The following GANC variants were observed in gnomAD, a reference collection of about 807,000 sequenced individuals.
GANC encodes glucosidase alpha, neutral C.
GANC carries 117 observed loss-of-function variants against 124.2 expected under a neutral mutation model. The observed-to-expected ratio is 0.94, with a 90% CI of 0.81 to 1.10. The LOEUF is 1.10. GANC is among the 50% of genes least tolerant of loss of function. GANC has a pLI of 0.00. For synonymous variants in GANC, 377 were observed against 376.8 expected, an observed-to-expected ratio of 1.00 and a Z score of -0.01; for missense variants, 1,140 against 1,095.0, an observed-to-expected ratio of 1.04 and a Z score of -0.58.
chr15:42,313,254 G>T (rs1294079574), intron 10 of GANC, among the ~76,000 whole-genome samples: 2 of 95,768 alleles, frequency 2.1e-5, no homozygotes, highest in Non-Finnish European at 2.4e-5. Context: ...AAAATAAAAT[G>T]GTTCAACTAT....
chr15:42,321,476 C>T (rs2052156231), intron 10 of GANC, among the ~76,000 whole-genome samples: 1 of 152,188 alleles, frequency 6.6e-6, no homozygotes, highest in South Asian at 2.1e-4. Context: ...CAGGTTTTAT[C>T]TCCTCTGTGA....
Position 42,273,290 on chromosome 15 carries a change from C to T in GANC, c.-1192C>T, listed in dbSNP as rs144133599. On this transcript the variant is annotated 5_prime_UTR_variant, in exon 1 of 24. Transcript: ENST00000318010. ...GGAATGTGCCATTTGGACCGGTCGGCAGCAGCTACGGTTGCCGGTCCCGCA... is the reference window on the plus strand; with the variant it reads ...GGAATGTGCCATTTGGACCGGTCGGTAGCAGCTACGGTTGCCGGTCCCGCA... 9 of 1,614,200 alleles carry T rather than the reference C, an allele frequency of 5.6e-6. No homozygotes were observed. The highest frequency in any genetic ancestry group is 6.8e-6 in the Non-Finnish European group (8 of 1,180,046).
At chr15:42,300,358 A>G (rs1186484775) in intron 6 of GANC, among the ~76,000 whole-genome samples, 1 of 152,220 alleles carries the variant, frequency 6.6e-6, no homozygotes, top group Non-Finnish European at 1.5e-5. Flanking sequence ...AAAAAGCTCA[A>G]CATCACTGAT....
chr15:42,345,674 G>T, intron 19 of GANC, 84 bp from the exon 20 acceptor site: 1 of 734,564 alleles, frequency 1.4e-6, no homozygotes. Flanking sequence ...TTGAAATCCA[G>T]GTAAGTGGAT....
intron 7 of GANC, among the ~76,000 whole-genome samples, chr15:42,306,818 A>G (rs765121390): frequency 6.6e-6 from 1 of 152,244 alleles, no homozygotes; most frequent in Non-Finnish European, 1.5e-5. Context: ...TGTAAAAGAA[A>G]TATAGGCCAC....
chr15:42,278,042 G>A (rs1387418927), intron 2 of GANC: 1 of 398,138 alleles, frequency 2.5e-6, no homozygotes, highest in African/African-American at 2.0e-5. Context: ...AGCGTATTAT[G>A]TTAATTCTGA....
chr15:42,351,928 A>C, intron 23 of GANC, 102 bp from the exon 24 acceptor site: 1 of 1,441,806 alleles, frequency 6.9e-7, no homozygotes, highest in Non-Finnish European at 9.4e-7. Context: ...GTGGGGTATA[A>C]GGTTTTATGA....
At chr15:42,330,342 G>T (rs547883616) in intron 14 of GANC, among the ~76,000 whole-genome samples, 48 of 152,276 alleles carry the variant, frequency 3.2e-4, no homozygotes, top group Admixed American at 1.1e-3. Flanking sequence ...AATGCTAGAT[G>T]ATTGTTTATT....
intron 7 of GANC, among the ~76,000 whole-genome samples, chr15:42,307,001 C>G (rs2052003423): frequency 6.6e-6 from 1 of 152,160 alleles, no homozygotes; most frequent in Admixed American, 6.5e-5. Flanking sequence ...TCAACCTTTT[C>G]TAGGCCTCCC....
At chr15:42,275,091 A>G (rs1000732029) in intron 1 of GANC, among the ~76,000 whole-genome samples, 1 of 151,950 alleles carries the variant, frequency 6.6e-6, no homozygotes, top group Non-Finnish European at 1.5e-5. Flanking sequence ...TGATTAAAAT[A>G]AACTGGGCCG....
intron 6 of GANC, among the ~76,000 whole-genome samples, chr15:42,300,902 C>T (rs1488908912): frequency 6.6e-6 from 1 of 151,922 alleles, no homozygotes; most frequent in East Asian, 1.9e-4. Context: ...CCTGTAATCC[C>T]AGCTACTAGG....
intron 3 of GANC, chr15:42,283,515 C>G: frequency 1.6e-6 from 1 of 629,904 alleles, no homozygotes; most frequent in Non-Finnish European, 2.8e-6. Flanking sequence ...GCATTGCTAG[C>G]AAGGATGTCT....
At chr15:42,305,067 A>G (rs2051980342) in intron 6 of GANC, among the ~76,000 whole-genome samples, 1 of 152,170 alleles carries the variant, frequency 6.6e-6, no homozygotes, top group Non-Finnish European at 1.5e-5. Context: ...CTTCATGACT[A>G]AAACATCAAA....
At position 42,287,735 on chromosome 15, in the gene GANC, C is replaced by G; in HGVS notation, c.246C>G (p.Phe82Leu). 2 of 1,612,932 alleles carry G rather than the reference C, an allele frequency of 1.2e-6. No homozygotes were observed. The highest frequency in any genetic ancestry group is 1.7e-6 in the Non-Finnish European group (2 of 1,179,340). ...TTTATGGTATAGAAGGAAACATTTT[C>G]AGGCTTAAAATTAATGAAGAGACTC... ...AEIYGIEGNI[F>L]RLKINEETPL... is the part of the protein sequence containing the mutation. Residue 82 changes from phenylalanine to leucine, a missense_variant, in exon 4 of 24, where the codon TTC becomes TTG. Physicochemically the swap from Phe to Leu is conservative, Grantham distance 22. Transcript: ENST00000318010.
chr15:42,294,985 T>TG (rs934638956), intron 5 of GANC, among the ~76,000 whole-genome samples: 15 of 149,992 alleles, frequency 1.0e-4, no homozygotes, highest in African/African-American at 3.5e-4. Flanking sequence ...TTTTTTTTTT[T>TG]TTTTGAGATG....
In GANC at chr15:42,342,168, C is replaced by T. The variant is rs528015275; in HGVS notation, c.2153-910C>T. ...TATCCCCAGAGCCTAGCATGGTGCC[C>T]GGCATGCAGTAGGCACTCGAAATAA... On this transcript the variant is annotated intron_variant, in intron 18 of 23. Coordinates refer to ENST00000318010, the MANE Select transcript of GANC (RefSeq NM_198141.3). 1.1e-4 allele frequency among the ~76,000 whole-genome samples: 16 copies of T among 152,202 alleles called. No individual in the cohort carries two copies. The East Asian group carries it at 2.1e-3, about 20-fold the overall frequency.
rs1212341377 is a variant in GANC, at chr15:42,321,831, C to T, written c.1104C>T (p.Cys368=). Residue 368 remains cysteine, a synonymous_variant, in exon 11 of 24, where the codon TGC becomes TGT. Coordinates refer to ENST00000318010, the MANE Select transcript of GANC (RefSeq NM_198141.3). ...PPLFSLGYHQ[C]RWNYEDEQDV... ...TTTTCTCTTTGGGATACCACCAGTG[C>T]CGCTGGAACTATGAAGATGAGCAGG... 13 of 1,614,104 alleles carry T rather than the reference C, an allele frequency of 8.1e-6. No homozygotes were observed. Among genetic ancestry groups the T allele is most frequent in the Non-Finnish European group, 1.1e-5 (13 of 1,180,042 alleles).
At chr15:42,299,442 G>A (rs766955636) in intron 6 of GANC, among the ~76,000 whole-genome samples, 3 of 152,138 alleles carry the variant, frequency 2.0e-5, no homozygotes, top group Non-Finnish European at 2.9e-5. Flanking sequence ...ATTTTTTGAT[G>A]TGCTGCTGAA....
At chr15:42,345,672 C>T in intron 19 of GANC, 86 bp from the exon 20 acceptor site, 4 of 711,566 alleles carry the variant, frequency 5.6e-6, no homozygotes, top group South Asian at 1.9e-5. Context: ...ATTTGAAATC[C>T]AGGTAAGTGG....
Sources: gnomAD v4.1 joint callset for allele counts (sites outside exome capture counted in the v4.1 genomes callset) on GRCh38, gnomAD v4.1.1 for gene constraint, MANE v1.5 for transcripts, NCBI Gene and HGNC (gene_info 2026-07-23, HGNC 2026-07-21) for gene names.